CAND1: variants seen among roughly 807,000 people sequenced by gnomAD.
CAND1 encodes the protein cullin associated and neddylation dissociated 1, also known as cullin-associated NEDD8-dissociated protein 1.
Under a neutral mutation model 108.5 loss-of-function variants are expected in CAND1, and 7 were observed. The ratio of observed to expected loss-of-function variants is 0.06; its 90% CI spans 0.04 to 0.12. The LOEUF (loss-of-function observed/expected upper bound fraction) is 0.12. CAND1 is among the 10% of genes least tolerant of loss of function. The pLI is 1.00. For synonymous variants in CAND1, 534 were observed against 512.0 expected, an observed-to-expected ratio of 1.04 and a Z score of -0.58; for missense variants, 941 against 1,448.7, an observed-to-expected ratio of 0.65 and a Z score of 5.69.
intron 1 of CAND1, among the ~76,000 whole-genome samples, chr12:67,278,784 G>T (rs551691110): frequency 1.3e-5 from 2 of 152,216 alleles, no homozygotes; most frequent in Non-Finnish European, 2.9e-5. Flanking sequence ...CTCCCAAAGT[G>T]CTGGGATTAC....
chr12:67,269,819 G>A, intron 1 of CAND1, 34 bp downstream of exon 1: 1 of 1,579,726 alleles, frequency 6.3e-7, no homozygotes, highest in South Asian at 1.1e-5. Context: ...CCCCACCTCG[G>A]GGTTCTCGCA....
chr12:67,271,010 A>G (rs1384535869), intron 1 of CAND1, among the ~76,000 whole-genome samples: 2 of 152,242 alleles, frequency 1.3e-5, no homozygotes, highest in Admixed American at 6.5e-5. Flanking sequence ...ACCATGAAAA[A>G]GTAGTAATTG....
intron 11 of CAND1, among the ~76,000 whole-genome samples, chr12:67,308,045 G>C (rs909029572): frequency 6.6e-6 from 1 of 151,972 alleles, no homozygotes; most frequent in African/African-American, 2.4e-5. Flanking sequence ...ACAAGAATTA[G>C]CTTTTGGGAT....
intron 7 of CAND1, among the ~76,000 whole-genome samples, chr12:67,301,849 C>A (rs1385486840): frequency 6.6e-6 from 1 of 152,098 alleles, no homozygotes; most frequent in African/African-American, 2.4e-5. Context: ...GGATTGGTAA[C>A]CATTCTTTTT....
intron 9 of CAND1, 140 bp downstream of exon 9, chr12:67,304,886 C>T (rs1288866242): frequency 2.0e-4 from 211 of 1,068,062 alleles, no homozygotes; most frequent in Non-Finnish European, 4.4e-5. Flanking sequence ...TTTAATCTAA[C>T]AATCTTGAAT....
Position 67,302,559 on chromosome 12 carries a change from T to C in CAND1, c.1237T>C (p.Cys413Arg). Residue 413 changes from cysteine to arginine, a missense_variant, in exon 8 of 15, where the codon TGT becomes CGT. By Grantham distance (180) the Cys-to-Arg change is radical. Coordinates refer to ENST00000545606, the MANE Select transcript of CAND1 (RefSeq NM_018448.5). Reference sequence around the variant, plus strand: ...AACTCGTCCTGTACAAAGTTGGCTATGTGACCCTGATGCAATGGAGCAGGG... The same window carrying C: ...AACTCGTCCTGTACAAAGTTGGCTACGTGACCCTGATGCAATGGAGCAGGG... ...KQTRPVQSWL[C>R]DPDAMEQGET... 1 of 1,614,202 alleles carries C rather than the reference T, an allele frequency of 6.2e-7. No homozygotes were observed. The highest frequency in any genetic ancestry group is 8.5e-7 in the Non-Finnish European group (1 of 1,179,988).
chr12:67,288,771 C>G (rs775309), intron 2 of CAND1, among the ~76,000 whole-genome samples: 4 of 151,926 alleles, frequency 2.6e-5, no homozygotes, highest in Admixed American at 6.5e-5. Context: ...GAGATTCTCA[C>G]TACAGTTGGG....
intron 1 of CAND1, chr12:67,270,727 T>A (rs1366742372): frequency 2.0e-5 from 3 of 150,794 alleles, no homozygotes; most frequent in African/African-American, 7.3e-5. Flanking sequence ...GATTGTTGCA[T>A]TCTTTCCCGC....
At chr12:67,287,737 G>C (rs6581749) in intron 2 of CAND1, among the ~76,000 whole-genome samples, 112,052 of 151,482 alleles carry the variant, frequency 0.74, 42,156 homozygotes, top group African/African-American at 0.88. Flanking sequence ...TTCCTAATGG[G>C]TTTCTTTCTA....
At chr12:67,307,959 G>A (rs181129066) in intron 11 of CAND1, among the ~76,000 whole-genome samples, 3 of 152,064 alleles carry the variant, frequency 2.0e-5, no homozygotes, top group Admixed American at 6.6e-5. Flanking sequence ...AAAAATAAAG[G>A]GGGGGAGAGC....
At chr12:67,284,118 A>G (rs1184799741) in intron 2 of CAND1, among the ~76,000 whole-genome samples, 1 of 152,152 alleles carries the variant, frequency 6.6e-6, no homozygotes, top group Non-Finnish European at 1.5e-5. Flanking sequence ...CCCAAAAGAA[A>G]GATCCAGAAA....
At position 67,283,856 on chromosome 12, in the gene CAND1, ATATTT is replaced by A. The variant is rs539115814; in HGVS notation, c.212+1807_212+1811del. ...ACCTGAGTTTCTTGACCTTTTGTTGATATTTTATATTTATAGTTAGAGGAGTTGGG... is the reference window on the plus strand; with the variant it reads ...ACCTGAGTTTCTTGACCTTTTGTTGATATATTTATAGTTAGAGGAGTTGGG... On this transcript the variant is annotated intron_variant, in intron 2 of 14. Transcript: ENST00000545606. Among the ~76,000 whole-genome samples the A allele has an allele frequency of 3.1e-3, 465 of 152,050 alleles. 1 individual carries two copies. The highest frequency in any genetic ancestry group is 6.8e-3 in the Middle Eastern group (2 of 294).
Position 67,269,621 on chromosome 12 carries a change from C to T in CAND1, c.-97C>T. 9.3e-7 allele frequency: 1 copy of T among 1,078,592 alleles called. No homozygotes were observed. Among genetic ancestry groups the T allele is most frequent in the Non-Finnish European group, 1.4e-6 (1 of 740,378 alleles). 66.8% of individuals were successfully genotyped at this position (1,078,592 alleles called of 1,614,324 possible). On this transcript the variant is annotated 5_prime_UTR_variant, in exon 1 of 15. Coordinates refer to ENST00000545606, the MANE Select transcript of CAND1 (RefSeq NM_018448.5). ...GCGACCCTGGAAGCGGGAGCCGCCGCGAGCGAGAGGAGGAGCTCCAGTGGC... is the reference window on the plus strand; with the variant it reads ...GCGACCCTGGAAGCGGGAGCCGCCGTGAGCGAGAGGAGGAGCTCCAGTGGC...
chr12:67,291,271 A>G (rs1306480096), intron 2 of CAND1, among the ~76,000 whole-genome samples: 4 of 152,260 alleles, frequency 2.6e-5, no homozygotes, highest in African/African-American at 4.8e-5. Flanking sequence ...AGGGTAGTGT[A>G]GTATTGACTT....
chr12:67,317,819 CCT>C lies in CAND1; in HGVS notation c.*4990_*4991del, dbSNP rs1379832572. 2.0e-5 allele frequency: 3 copies of C among 152,284 alleles called. No homozygotes were observed. The highest frequency in any genetic ancestry group is 4.4e-5 in the Non-Finnish European group (3 of 68,104). 9.4% of individuals were successfully genotyped at this position (152,284 alleles called of 1,614,324 possible). On this transcript the variant is annotated 3_prime_UTR_variant, in exon 15 of 15. Coordinates refer to ENST00000545606, the MANE Select transcript of CAND1 (RefSeq NM_018448.5). ...CTATACATCTAGCCCAGTCCATGCC[CCT>C]GTTTCAGACTATTATATCCAACCAC...
intron 4 of CAND1, 190 bp from the exon 5 acceptor site, chr12:67,297,217 A>G: frequency 1.5e-6 from 1 of 676,460 alleles, no homozygotes; most frequent in Non-Finnish European, 2.7e-6. Flanking sequence ...TCAGTGCTGC[A>G]TTCACTTAGC....
chr12:67,297,687 C>T (rs759130720), intron 5 of CAND1, 24 bp downstream of exon 5: 21 of 1,595,150 alleles, frequency 1.3e-5, no homozygotes, highest in South Asian at 2.3e-5. Context: ...AAAAGTTTTA[C>T]AGTTTTCTTT....
Position 67,305,852 on chromosome 12 carries a change from A to G in CAND1, c.2184A>G (p.Ser728=). ...CAAAAGTATATCCCTCCTCCCTTTCAAAGATAAGTGGATCCATTCTCAATG... is the reference window on the plus strand; with the variant it reads ...CAAAAGTATATCCCTCCTCCCTTTCGAAGATAAGTGGATCCATTCTCAATG... ...TLAKVYPSSL[S]KISGSILNEL... is the part of the protein sequence containing the mutation. The change falls in exon 10 of 15, where the codon TCA becomes TCG. Residue 728 remains serine (S), a synonymous_variant. Transcript: ENST00000545606. This position sits in a 1 kb window ranked among gnomAD's most constrained non-coding sequence, Gnocchi z 4.4. 6.2e-7 allele frequency: 1 copy of G among 1,614,202 alleles called. No individual in the cohort carries two copies. The highest frequency in any genetic ancestry group is 2.2e-5 in the East Asian group (1 of 44,890).
chr12:67,302,773 T>C (rs1002039209), intron 8 of CAND1, among the ~76,000 whole-genome samples, 158 bp downstream of exon 8: 7 of 152,264 alleles, frequency 4.6e-5, no homozygotes, highest in African/African-American at 1.4e-4. Context: ...ATGTTAGTTG[T>C]AAACTATTCT....
Sources: gnomAD v4.1 joint callset for allele counts (sites outside exome capture counted in the v4.1 genomes callset) on GRCh38, gnomAD v4.1.1 for gene constraint, Gnocchi (gnomAD v3.1) non-coding constraint, MANE v1.5 for transcripts, NCBI Gene and HGNC (gene_info 2026-07-23, HGNC 2026-07-21) for gene names.